TNIP1: variants seen among roughly 807,000 people sequenced by gnomAD.
TNIP1 encodes TNFAIP3 interacting protein 1.
TNIP1 carries 22 observed loss-of-function variants against 86.6 expected under a neutral mutation model. That is an observed-to-expected ratio of 0.25 (90% CI 0.18 to 0.36). TNIP1 has a LOEUF of 0.36. TNIP1 is among the 10% of genes least tolerant of loss of function. The pLI is 1.00. For missense variants in TNIP1, 709 were observed against 820.6 expected, an observed-to-expected ratio of 0.86 and a Z score of 1.66; for synonymous variants, 294 against 313.0, an observed-to-expected ratio of 0.94 and a Z score of 0.64.
chr5:151,080,460 A>G (rs922714856), intron 1 of TNIP1: 7 of 152,146 alleles, frequency 4.6e-5, no homozygotes, highest in African/African-American at 1.4e-4. Context: ...AGCACTTGGA[A>G]AGCGCCCAAT....
rs1432420523 is a variant in TNIP1, at chr5:151,042,683, G to A, written c.1003-12C>T. On this transcript the variant is annotated splice_polypyrimidine_tract_variant and intron_variant, in intron 10 of 17. Coordinates refer to ENST00000521591, the MANE Select transcript of TNIP1 (RefSeq NM_006058.5). ...CGCAGCTCAGTGATCTGGGTTCAGA[G>A]GCAGAGAGGAGTGTGTGAGGCAAGG... The A allele has an allele frequency of 6.2e-7, 1 of 1,613,694 alleles. No homozygotes were observed. The highest frequency in any genetic ancestry group is 1.3e-5 in the African/African-American group (1 of 75,068).
chr5:151,033,444 TGGGTAGCAGCCCA>T, intron 16 of TNIP1, 151 bp downstream of exon 16: 1 of 472,696 alleles, frequency 2.1e-6, no homozygotes, highest in Non-Finnish European at 3.8e-6. Context: ...TCCCTGCCCC[TGGGTAGCAGCCCA>T]GAGCCAGGCC....
Position 151,056,751 on chromosome 5 carries a change from C to T in TNIP1, c.627+15G>A. The T allele has an allele frequency of 1.4e-6, 2 of 1,472,178 alleles. No individual in the cohort carries two copies. The highest frequency in any genetic ancestry group is 1.8e-6 in the Non-Finnish European group (2 of 1,103,150). The allele number at this position is 1,472,178 out of a possible 1,614,324, so 91.2% of individuals were successfully genotyped here. ...ACGCCTGCCTGTCTCGGGCTGCCCT[C>T]CCCACGCGCCTCACCTGCAGAATGG... On this transcript the variant is annotated intron_variant, in intron 6 of 17. Transcript: ENST00000521591.
At chr5:151,061,481 T>C (rs2113683768) in intron 4 of TNIP1, among the ~76,000 whole-genome samples, 1 of 67,464 alleles carries the variant, frequency 1.5e-5, no homozygotes. Context: ...AATCTGTAGA[T>C]TTTTTTTTTT....
Position 151,062,158 on chromosome 5 carries a change from T to A in TNIP1, c.326A>T (p.Lys109Met). The change falls in exon 4 of 18, where the codon AAG becomes ATG. Residue 109 changes from lysine to methionine, a missense_variant. Physicochemically the swap from Lys to Met is moderately conservative, Grantham distance 95 (BLOSUM62 -1). Transcript: ENST00000521591. ...TGGAGGCTTCTGGACTGGTGCTGGC[T>A]TGTCACTGGGGCATGCAGGGGCTGT... ...SPTAPACPSD[K>M]PAPVQKPPSS... 1.2e-6 allele frequency: 2 copies of A among 1,614,196 alleles called. No homozygotes were observed. Among genetic ancestry groups the A allele is most frequent in the Non-Finnish European group, 1.7e-6 (2 of 1,180,016 alleles).
chr5:151,054,138 T>C (rs1470209960), intron 6 of TNIP1, among the ~76,000 whole-genome samples: 1 of 152,224 alleles, frequency 6.6e-6, no homozygotes, highest in Non-Finnish European at 1.5e-5. Context: ...CAGGGGCTGA[T>C]GTGGATGCCT....
intron 9 of TNIP1, 61 bp from the exon 10 acceptor site, chr5:151,043,022 C>A: frequency 6.4e-7 from 1 of 1,570,024 alleles, no homozygotes; most frequent in Non-Finnish European, 8.8e-7. Context: ...AGAGCCATCT[C>A]CTGCCCCATG....
chr5:151,057,318 A>G (rs1173504554), intron 5 of TNIP1, among the ~76,000 whole-genome samples: 2 of 152,080 alleles, frequency 1.3e-5, no homozygotes, highest in African/African-American at 4.8e-5. Flanking sequence ...AGGAGGATGA[A>G]TTGACCCCTG....
intron 1 of TNIP1, among the ~76,000 whole-genome samples, chr5:151,068,198 G>A (rs1762459523): frequency 6.6e-6 from 1 of 152,192 alleles, no homozygotes; most frequent in South Asian, 2.1e-4. Context: ...GGAGGGCCTG[G>A]ACTTCTGGAG....
chr5:151,042,997 A>G (rs1039050153), intron 9 of TNIP1, 36 bp from the exon 10 acceptor site: 3 of 1,611,456 alleles, frequency 1.9e-6, no homozygotes, highest in Non-Finnish European at 2.5e-6. Context: ...GGAGATGAGC[A>G]GAGAAGGAAC....
chr5:151,073,249 G>A (rs1488985949), intron 1 of TNIP1, among the ~76,000 whole-genome samples: 1 of 148,378 alleles, frequency 6.7e-6, no homozygotes, highest in Non-Finnish European at 1.5e-5. Context: ...AAAAAGGGGT[G>A]TTTGAGGAGG....
At chr5:151,073,904 AAAAAG>A (rs1445780609) in intron 1 of TNIP1, among the ~76,000 whole-genome samples, 1 of 152,140 alleles carries the variant, frequency 6.6e-6, no homozygotes, top group South Asian at 2.1e-4. Context: ...GTCTCTTAAA[AAAAAG>A]AAAAGAAGAA....
intron 5 of TNIP1, 118 bp downstream of exon 5, chr5:151,060,200 C>A: frequency 9.6e-7 from 1 of 1,039,832 alleles, no homozygotes; most frequent in South Asian, 1.3e-5. Context: ...CGTGTATCCC[C>A]AAGTGACTCC....
chr5:151,079,493 G>T (rs891771826), intron 1 of TNIP1, among the ~76,000 whole-genome samples: 12 of 152,030 alleles, frequency 7.9e-5, no homozygotes, highest in African/African-American at 2.7e-4. Flanking sequence ...GGATGGTGGC[G>T]AGTGCCTGTA....
intron 9 of TNIP1, among the ~76,000 whole-genome samples, chr5:151,044,739 C>T (rs559318336): frequency 1.3e-5 from 2 of 152,114 alleles, no homozygotes; most frequent in African/African-American, 4.8e-5. Flanking sequence ...ACTTCGACCT[C>T]GGGTCTGGAA....
chr5:151,050,964 A>G (rs1468145528), intron 7 of TNIP1, among the ~76,000 whole-genome samples: 1 of 152,210 alleles, frequency 6.6e-6, no homozygotes, highest in Non-Finnish European at 1.5e-5. Context: ...GGTGTGAGCC[A>G]CAACGCCCAA....
intron 1 of TNIP1, among the ~76,000 whole-genome samples, chr5:151,079,248 G>T (rs1339735926): frequency 2.0e-5 from 3 of 152,340 alleles, no homozygotes; most frequent in East Asian, 3.9e-4. Context: ...CAGGGTCCAG[G>T]ATTCAAGCGT....
Position 151,042,971 on chromosome 5 carries a change from G to A in TNIP1, c.937-10C>T, listed in dbSNP as rs1242507463. ...TGTTCACTTCCAGCAGCTGTGGGGA[G>A]AGACTGGAGTTAGCAGGAGATGAGC... On this transcript the variant is annotated splice_polypyrimidine_tract_variant and intron_variant, in intron 9 of 17. Transcript: ENST00000521591. The A allele has an allele frequency of 2.0e-5, 32 of 1,614,160 alleles. No individual in the cohort carries two copies. The highest frequency in any genetic ancestry group is 2.6e-5 in the Non-Finnish European group (31 of 1,180,018).
At position 151,033,704 on chromosome 5, in the gene TNIP1, G is replaced by A. The variant is rs1349399460; in HGVS notation, c.1683C>T (p.His561=). The A allele has an allele frequency of 7.4e-7, 1 of 1,358,260 alleles. No homozygotes were observed. The highest frequency in any genetic ancestry group is 1.5e-5 in the African/African-American group (1 of 66,968). 84.1% of individuals were successfully genotyped at this position (1,358,260 alleles called of 1,614,324 possible). A position where few individuals can be genotyped will look rare whatever the true frequency, so the allele number is the denominator to read the frequency against. Residue 561 remains histidine, a synonymous_variant, in exon 16 of 18, where the codon CAC becomes CAT. Coordinates refer to ENST00000521591, the MANE Select transcript of TNIP1 (RefSeq NM_006058.5). ...TCTGGGACCAGTCCTCGAAGCCATG[G>A]TGTGGCACCATGGCTGGCATGGGCG... ...AYPPMPAMVP[H]HGFEDWSQIR... is the part of the protein sequence containing the mutation.
Sources: gnomAD v4.1 joint callset for allele counts (sites outside exome capture counted in the v4.1 genomes callset) on GRCh38, gnomAD v4.1.1 for gene constraint, MANE v1.5 for transcripts, NCBI Gene and HGNC (gene_info 2026-07-23, HGNC 2026-07-21) for gene names.